The following ACAP1 variants were observed in gnomAD, a reference collection of about 807,000 sequenced individuals.
The protein encoded by ACAP1 is ArfGAP with coiled-coil, ankyrin repeat and PH domains 1.
A neutral mutation model predicts 98.8 loss-of-function variants in ACAP1; 45 were observed. The ratio of observed to expected loss-of-function variants is 0.46; its 90% CI spans 0.36 to 0.58. The LOEUF (loss-of-function observed/expected upper bound fraction) is 0.58. Among genes scored for constraint, ACAP1 ranks in the 20% least tolerant of loss-of-function variants. The pLI, the probability that ACAP1 is intolerant of heterozygous loss-of-function variation, is 0.00. For missense variants in ACAP1, 735 were observed against 971.4 expected (o/e 0.76, Z 3.24); for synonymous variants, 362 against 375.3 (o/e 0.96, Z 0.41).
intron 14 of ACAP1, 56 bp from the exon 15 acceptor site, chr17:7,347,866 T>C: frequency 6.8e-7 from 1 of 1,471,550 alleles, no homozygotes; most frequent in Non-Finnish European, 9.5e-7. Context: ...CAGCAGCAGC[T>C]CCCCAGGCCA....
At chr17:7,347,433 C>T in intron 14 of ACAP1, 191 bp downstream of exon 14, 1 of 590,212 alleles carries the variant, frequency 1.7e-6, no homozygotes, top group Non-Finnish European at 2.9e-6. Context: ...GGGCCTAGCC[C>T]CTCTGTGTCC....
rs563944517 is a variant in ACAP1 at position 7,347,289 on chromosome 17, G to A, written c.1343+47G>A. On this transcript the variant is annotated intron_variant, in intron 14 of 21. Transcript: ENST00000158762. ...GGGAGCCCCACTCCTTCGGGCCACA[G>A]TGCGGCTCCAATACAGAGCGCATCA... is the stretch of plus-strand genomic sequence containing the variant. The A allele has an allele frequency of 2.7e-4, 419 of 1,543,800 alleles. 1 individual carries two copies. The highest frequency in any genetic ancestry group is 2.1e-4 in the Non-Finnish European group (240 of 1,128,038).
Position 7,343,093 on chromosome 17 carries a change from A to G in ACAP1, c.345-286A>G. The G allele has an allele frequency of 8.5e-6, 3 of 350,878 alleles. No individual in the cohort carries two copies. Among genetic ancestry groups the G allele is most frequent in the Non-Finnish European group, 1.6e-5 (3 of 192,898 alleles). The allele number at this position is 350,878 out of a possible 1,614,324, so 21.7% of individuals were successfully genotyped here. Reference sequence around the variant, plus strand: ...AGACCCGGTCTCAAAAACAAAAACAACAACAACAACAAAAATTTTTTAAAG... The same window carrying G: ...AGACCCGGTCTCAAAAACAAAAACAGCAACAACAACAAAAATTTTTTAAAG... On this transcript the variant is annotated intron_variant, in intron 5 of 21. Coordinates refer to ENST00000158762, the MANE Select transcript of ACAP1 (RefSeq NM_014716.4). This position sits in a 1 kb window ranked among gnomAD's most constrained non-coding sequence, Gnocchi z 4.9.
Position 7,344,461 on chromosome 17 carries a change from G to A in ACAP1, c.745-78G>A. The A allele has an allele frequency of 9.9e-7, 1 of 1,014,582 alleles. No homozygotes were observed. Among genetic ancestry groups the A allele is most frequent in the Non-Finnish European group, 1.5e-6 (1 of 670,528 alleles). The allele number at this position is 1,014,582 out of a possible 1,614,324, so 62.8% of individuals were successfully genotyped here. A position where few individuals can be genotyped will look rare whatever the true frequency, so the allele number is the denominator to read the frequency against. On this transcript the variant is annotated intron_variant, in intron 9 of 21. Transcript: ENST00000158762. The surrounding 1 kb of genome is among the most constrained non-coding windows in gnomAD (Gnocchi z 4.9). ...CAAAAAGCAGAAAGTAAGGGCTAGG[G>A]CTGTGGGCAGGAGGCAGATGCCTAT...
rs905610736 is a variant in ACAP1, at chr17:7,342,627, C to T, written c.344+153C>T. 2.3e-4 allele frequency: 203 copies of T among 885,804 alleles called. 1 individual carries two copies. The highest frequency in any genetic ancestry group is 3.4e-4 in the Middle Eastern group (1 of 2,958). The allele number at this position is 885,804 out of a possible 1,614,324, so 54.9% of individuals were successfully genotyped here. A position where few individuals can be genotyped will look rare whatever the true frequency, so the allele number is the denominator to read the frequency against. ...AAAAATACAAAAATTAGGCCGGGCA[C>T]GGTGGCTCATGCCTATGATCCCGGC... On this transcript the variant is annotated intron_variant, in intron 5 of 21. Coordinates refer to ENST00000158762, the MANE Select transcript of ACAP1 (RefSeq NM_014716.4).
At chr17:7,351,259 G>A (rs775610680) in intron 21 of ACAP1, 36 bp from the exon 22 acceptor site, 1 of 1,558,358 alleles carries the variant, frequency 6.4e-7, no homozygotes, top group Admixed American at 1.7e-5. Flanking sequence ...CTGCACTGGG[G>A]CCCAGCCGCC....
chr17:7,340,230 C>T (rs1245658532), intron 2 of ACAP1, among the ~76,000 whole-genome samples: 1 of 152,134 alleles, frequency 6.6e-6, no homozygotes, highest in Admixed American at 6.5e-5. Context: ...TATGATCCCA[C>T]CACTGCACTC....
intron 18 of ACAP1, chr17:7,349,408 C>T: frequency 2.2e-6 from 1 of 454,964 alleles, no homozygotes; most frequent in Non-Finnish European, 3.9e-6. Flanking sequence ...GACAGTCTCG[C>T]TCTGTCCCCC....
intron 2 of ACAP1, among the ~76,000 whole-genome samples, chr17:7,341,019 T>C (rs2143016261): frequency 6.6e-6 from 1 of 152,230 alleles, no homozygotes; most frequent in East Asian, 1.9e-4. Context: ...CCAGATAGGA[T>C]GGGCCCCAGG....
In ACAP1 at chr17:7,343,901, A is replaced by T; in HGVS notation, c.614A>T (p.Gln205Leu). 2 of 1,611,990 alleles carry T rather than the reference A, an allele frequency of 1.2e-6. No individual in the cohort carries two copies. Among genetic ancestry groups the T allele is most frequent in the Non-Finnish European group, 1.7e-6 (2 of 1,178,948 alleles). ...LVEAQATHFQ[Q>L]GHEELSRLSQ... ...GAGGCCCAGGCTACCCATTTCCAGC[A>T]GGGCCATGAGGAGCTGAGCCGGCTG... The change falls in exon 8 of 22, where the codon CAG becomes CTG. Residue 205 changes from glutamine to leucine, a missense_variant. Gln to Leu is a moderately radical substitution (Grantham distance 113). Around this residue, in one of 5 missense-constraint regions of ACAP1, gnomAD observed 430 missense variants for 531.8 expected, o/e 0.81. Transcript: ENST00000158762. This position sits in a 1 kb window ranked among gnomAD's most constrained non-coding sequence, Gnocchi z 4.9.
intron 10 of ACAP1, 158 bp from the exon 11 acceptor site, chr17:7,346,086 A>G (rs370232952): frequency 2.6e-5 from 19 of 723,098 alleles, no homozygotes; most frequent in African/African-American, 2.1e-4. Flanking sequence ...AGATGTTCCA[A>G]TCTGCACAAT....
rs1270864920 is a variant in ACAP1, at chr17:7,344,118, C to G, written c.739C>G (p.Gln247Glu). ...DMEQRHVLLKQKELGGEEPEP... is the reference protein window; with the variant it reads ...DMEQRHVLLKEKELGGEEPEP... ...GGAGCAGAGACACGTGCTGCTGAAACAGAAGGTGAGGGGCCAGGTGCGGTG... is the reference window on the plus strand; with the variant it reads ...GGAGCAGAGACACGTGCTGCTGAAAGAGAAGGTGAGGGGCCAGGTGCGGTG... Residue 247 changes from glutamine (Q) to glutamate (E), a missense_variant, in exon 9 of 22, where the codon CAG becomes GAG. By Grantham distance (29) the Gln-to-Glu change is conservative. Around this residue, in one of 5 missense-constraint regions of ACAP1, gnomAD observed 430 missense variants for 531.8 expected, o/e 0.81. Transcript: ENST00000158762. This position sits in a 1 kb window ranked among gnomAD's most constrained non-coding sequence, Gnocchi z 4.9. 6.4e-7 allele frequency: 1 copy of G among 1,573,228 alleles called. No homozygotes were observed. Among genetic ancestry groups the G allele is most frequent in the South Asian group, 1.2e-5 (1 of 86,092 alleles).
chr17:7,351,348 G>C lies in ACAP1; in HGVS notation c.2176G>C (p.Asp726His). 1.2e-6 allele frequency: 2 copies of C among 1,613,812 alleles called. No individual in the cohort carries two copies. Among genetic ancestry groups the C allele is most frequent in the Non-Finnish European group, 1.7e-6 (2 of 1,179,836 alleles). ...CGACTTCTCCCTCATGGCGTCAGACGACCCGGAGAAGCTGAGCCGTCGCAG... is the reference window on the plus strand; with the variant it reads ...CGACTTCTCCCTCATGGCGTCAGACCACCCGGAGAAGCTGAGCCGTCGCAG... Reference protein sequence around the residue: ...FRDFSLMASDDPEKLSRRSHD... With the variant: ...FRDFSLMASDHPEKLSRRSHD... Residue 726 changes from aspartate to histidine, a missense_variant, in exon 22 of 22, where the codon GAC (aspartate) becomes CAC (histidine). Transcript: ENST00000158762.
intron 18 of ACAP1, 193 bp from the exon 19 acceptor site, chr17:7,349,752 T>C: frequency 1.9e-6 from 1 of 518,512 alleles, no homozygotes; most frequent in South Asian, 3.3e-5. Flanking sequence ...GCTTGTACTA[T>C]GGATTTATAT....
rs944485376 is a variant in ACAP1 at position 7,344,140 on chromosome 17, G to C, written c.744+17G>C. ...AAACAGAAGGTGAGGGGCCAGGTGC[G>C]GTGGCCCACGACCGTCATCCCAACA... is the stretch of plus-strand genomic sequence containing the variant. On this transcript the variant is annotated intron_variant, in intron 9 of 21. Coordinates refer to ENST00000158762, the MANE Select transcript of ACAP1 (RefSeq NM_014716.4). This position sits in a 1 kb window ranked among gnomAD's most constrained non-coding sequence, Gnocchi z 4.9. 8 of 1,557,586 alleles carry C rather than the reference G, an allele frequency of 5.1e-6. 1 individual carries two copies. In the South Asian group the frequency reaches 5.9e-5, roughly 11 times the overall value.
chr17:7,343,816 G>C lies in ACAP1; in HGVS notation c.574-45G>C, dbSNP rs748392573. On this transcript the variant is annotated intron_variant, in intron 7 of 21. Transcript: ENST00000158762. This position sits in a 1 kb window ranked among gnomAD's most constrained non-coding sequence, Gnocchi z 4.9. ...TGCTGCCAGCACAAGGGAATGGGGAGAGGGGTTCTTCCTCAGCCTTCCCAC... is the reference window on the plus strand; with the variant it reads ...TGCTGCCAGCACAAGGGAATGGGGACAGGGGTTCTTCCTCAGCCTTCCCAC... The C allele has an allele frequency of 3.7e-6, 6 of 1,613,840 alleles. No homozygotes were observed. The Admixed American group carries it at 1.0e-4, about 27-fold the overall frequency.
chr17:7,346,335 G>GACTC, intron 11 of ACAP1, 40 bp downstream of exon 11: 1 of 1,613,992 alleles, frequency 6.2e-7, no homozygotes, highest in Admixed American at 1.7e-5. Context: ...GCCCCAGGGA[G>GACTC]ACTCAGCTCT....
Position 7,344,503 on chromosome 17 carries a change from C to T in ACAP1, c.745-36C>T. 2 of 1,466,282 alleles carry T rather than the reference C, an allele frequency of 1.4e-6. No individual in the cohort carries two copies. Among genetic ancestry groups the T allele is most frequent in the Non-Finnish European group, 1.9e-6 (2 of 1,070,588 alleles). The allele number at this position is 1,466,282 out of a possible 1,614,324, so 90.8% of individuals were successfully genotyped here. On this transcript the variant is annotated intron_variant, in intron 9 of 21. Transcript: ENST00000158762. The surrounding 1 kb of genome is among the most constrained non-coding windows in gnomAD (Gnocchi z 4.9). ...GATGCCTATGGCCTTGGTGTCTGCCCATCTCAGTTGCCCTTTGATCCTCTT... is the reference window on the plus strand; with the variant it reads ...GATGCCTATGGCCTTGGTGTCTGCCTATCTCAGTTGCCCTTTGATCCTCTT...
chr17:7,338,124 G>T (rs1480389811), intron 2 of ACAP1, among the ~76,000 whole-genome samples: 1 of 152,104 alleles, frequency 6.6e-6, no homozygotes, highest in Non-Finnish European at 1.5e-5. Context: ...ATTTACCTCT[G>T]ACACATTATG....
Sources: gnomAD v4.1 joint callset for allele counts (sites outside exome capture counted in the v4.1 genomes callset) on GRCh38, gnomAD v4.1.1 for gene constraint, gnomAD v4.1.1 regional missense constraint, Gnocchi (gnomAD v3.1) non-coding constraint, MANE v1.5 for transcripts, NCBI Gene and HGNC (gene_info 2026-07-23, HGNC 2026-07-21) for gene names.